STK35: variants seen among roughly 807,000 people sequenced by gnomAD.
The protein encoded by STK35 is serine/threonine-protein kinase 35.
A neutral mutation model predicts 37.3 loss-of-function variants in STK35; 17 were observed. The observed-to-expected ratio is 0.46, with a 90% confidence interval of 0.31 to 0.68. The LOEUF (loss-of-function observed/expected upper bound fraction) is 0.68, where lower values mean the gene tolerates loss of function less well. Among genes scored for constraint, STK35 ranks in the 30% least tolerant of loss-of-function variants. STK35 has a pLI of 0.05. For synonymous variants in STK35, 385 were observed against 319.1 expected (o/e 1.21, Z -2.20); for missense variants, 595 against 746.7 (o/e 0.80, Z 2.37).
intron 3 of STK35, among the ~76,000 whole-genome samples, chr20:2,141,428 G>A (rs142059652): frequency 3.9e-4 from 59 of 152,222 alleles, no homozygotes; most frequent in African/African-American, 1.3e-3. Flanking sequence ...GGGCAGTAGA[G>A]CAGGGAGTCA....
At chr20:2,106,449 A>G (rs1224317352) in intron 2 of STK35, among the ~76,000 whole-genome samples, 1 of 152,220 alleles carries the variant, frequency 6.6e-6, no homozygotes, top group Non-Finnish European at 1.5e-5. Flanking sequence ...GCAAAGCAAA[A>G]CACACCACCC....
chr20:2,142,455 A>G (rs373926492), intron 3 of STK35, among the ~76,000 whole-genome samples: 55 of 152,330 alleles, frequency 3.6e-4, no homozygotes, highest in African/African-American at 1.2e-3. Flanking sequence ...TGACAAAGAA[A>G]GGCACGCACA....
At chr20:2,133,627 G>C (rs190773063) in intron 3 of STK35, among the ~76,000 whole-genome samples, 1 of 152,206 alleles carries the variant, frequency 6.6e-6, no homozygotes, top group Non-Finnish European at 1.5e-5. Context: ...TGGGTTCTCA[G>C]ACGCAGACAA....
intron 3 of STK35, among the ~76,000 whole-genome samples, chr20:2,138,529 A>G (rs1986122617): frequency 6.6e-6 from 1 of 152,198 alleles, no homozygotes; most frequent in Non-Finnish European, 1.5e-5. Flanking sequence ...CAGAGCTTGC[A>G]TTTGAACCAG....
At chr20:2,109,143 A>G (rs1985570793) in intron 2 of STK35, among the ~76,000 whole-genome samples, 1 of 152,218 alleles carries the variant, frequency 6.6e-6, no homozygotes, top group East Asian at 1.9e-4. Flanking sequence ...AGATGGTTAC[A>G]GTACAATAGA....
rs1010351244 is a variant in STK35 at position 2,129,500 on chromosome 20, C to T, written c.*37+12085C>T. Among the ~76,000 whole-genome samples, 10 of 152,156 alleles carry T rather than the reference C, an allele frequency of 6.6e-5. No individual in the cohort carries two copies. In the South Asian group the frequency reaches 8.3e-4, roughly 13 times the overall value. On this transcript the variant is annotated intron_variant, in intron 3 of 3. Transcript: ENST00000381482. ...AATGTGTGCAGGCTCATGTGTTTCC[C>T]CCTCCCCCACCAATAAAAAGGAAAA...
Position 2,101,943 on chromosome 20 carries a change from G to A in STK35, c.62G>A (p.Arg21Lys), listed in dbSNP as rs1005967492. 33 of 1,513,674 alleles carry A rather than the reference G, an allele frequency of 2.2e-5. No homozygotes were observed. The highest frequency in any genetic ancestry group is 2.6e-5 in the Non-Finnish European group (29 of 1,131,940). 93.8% of individuals were successfully genotyped at this position (1,513,674 alleles called of 1,614,324 possible). The stretch of plus-strand genomic sequence containing the variant: ...GCGGGAGGTGCAGCTTATGTAAAGA[G>A]GTTATGTAAAGGGCTCAGCTGGCGC... ...APAGGAAYVK[R>K]LCKGLSWREH... The change falls in exon 1 of 4, where the codon AGG becomes AAG. Residue 21 changes from arginine to lysine, a missense_variant. This residue lies in a region of STK35 where 389 missense variants were observed against 320.0 expected (regional missense o/e 1.22). Transcript: ENST00000381482.
At chr20:2,120,267 T>C (rs1398302636) in intron 3 of STK35, among the ~76,000 whole-genome samples, 1 of 152,228 alleles carries the variant, frequency 6.6e-6, no homozygotes, top group Non-Finnish European at 1.5e-5. Context: ...TTGAGATTTG[T>C]GCTGTTTTGC....
chr20:2,101,908 C>A lies in STK35; in HGVS notation c.27C>A (p.Ala9=). The A allele has an allele frequency of 2.7e-6, 4 of 1,462,342 alleles. No individual in the cohort carries two copies. The highest frequency in any genetic ancestry group is 3.6e-6 in the Non-Finnish European group (4 of 1,103,236). 90.6% of individuals were successfully genotyped at this position (1,462,342 alleles called of 1,614,324 possible). The change falls in exon 1 of 4, where the codon GCC becomes GCA. Residue 9 remains alanine (A), a synonymous_variant. Coordinates refer to ENST00000381482, the MANE Select transcript of STK35 (RefSeq NM_080836.4). ...TGGGCCACCAGGAGTCTCCGCTGGC[C>A]CGGGCGCCGGCGGGAGGTGCAGCTT... MGHQESPL[A]RAPAGGAAYV... is the part of the protein sequence containing the mutation.
intron 3 of STK35, among the ~76,000 whole-genome samples, chr20:2,134,726 A>G (rs922806708): frequency 6.6e-6 from 1 of 152,066 alleles, no homozygotes; most frequent in Non-Finnish European, 1.5e-5. Context: ...CCCCATCTCT[A>G]CTAAAAATAC....
At position 2,131,471 on chromosome 20, in the gene STK35, G is replaced by GT. The variant is rs1048460959; in HGVS notation, c.*38-12302dup. Among the ~76,000 whole-genome samples, 1,016 of 140,178 alleles carry GT rather than the reference G, an allele frequency of 7.2e-3. 8 individuals carry two copies. Among genetic ancestry groups the GT allele is most frequent in the African/African-American group, 0.021 (747 of 35,350 alleles). The allele number at this position is 140,178 out of a possible 152,430, so 92.0% of individuals were successfully genotyped here. A position where few individuals can be genotyped will look rare whatever the true frequency, so the allele number is the denominator to read the frequency against. On this transcript the variant is annotated intron_variant, in intron 3 of 3. Coordinates refer to ENST00000381482, the MANE Select transcript of STK35 (RefSeq NM_080836.4). ...CTCTACAAAATTATATTAAAGTTTT[G>GT]TTTTTTTTTTTAAGATTAAAAATGG... is the stretch of plus-strand genomic sequence containing the variant.
At chr20:2,139,744 A>G (rs561266803) in intron 3 of STK35, among the ~76,000 whole-genome samples, 11 of 152,360 alleles carry the variant, frequency 7.2e-5, no homozygotes, top group African/African-American at 2.2e-4. Flanking sequence ...GTTGTTGCCT[A>G]TAACACAGTT....
At chr20:2,102,702 C>T (rs1985419608) in intron 1 of STK35, 66 bp from the exon 2 acceptor site, 2 of 1,300,550 alleles carry the variant, frequency 1.5e-6, no homozygotes, top group Middle Eastern at 2.3e-4. Flanking sequence ...GGTGGGACGC[C>T]CCGCGGCCTA....
At position 2,117,490 on chromosome 20, in the gene STK35, C is replaced by G; in HGVS notation, c.*37+75C>G. 2 of 802,794 alleles carry G rather than the reference C, an allele frequency of 2.5e-6. No individual in the cohort carries two copies. Among genetic ancestry groups the G allele is most frequent in the Non-Finnish European group, 3.8e-6 (2 of 523,744 alleles). The allele number at this position is 802,794 out of a possible 1,614,324, so 49.7% of individuals were successfully genotyped here. ...TCACTCTGTTGGTCAGGCTGGGGTG[C>G]AGCGGGTGCAGTGGCAGGATCTCAG... On this transcript the variant is annotated intron_variant, in intron 3 of 3. Coordinates refer to ENST00000381482, the MANE Select transcript of STK35 (RefSeq NM_080836.4). This position sits in a 1 kb window ranked among gnomAD's most constrained non-coding sequence, Gnocchi z 4.4.
At chr20:2,122,750 T>A (rs1031920611) in intron 3 of STK35, among the ~76,000 whole-genome samples, 1 of 152,234 alleles carries the variant, frequency 6.6e-6, no homozygotes, top group Admixed American at 6.5e-5. Context: ...ATTGTTTAGA[T>A]CCATACTTTG....
intron 2 of STK35, among the ~76,000 whole-genome samples, chr20:2,112,892 C>G (rs2122548620): frequency 6.6e-6 from 1 of 152,168 alleles, no homozygotes; most frequent in East Asian, 1.9e-4. Flanking sequence ...ATTTGTTCCT[C>G]TCAGCTCAAA....
In STK35 at chr20:2,101,854, A is replaced by C; in HGVS notation, c.-28A>C. 10 of 1,397,166 alleles carry C rather than the reference A, an allele frequency of 7.2e-6. No homozygotes were observed. The highest frequency in any genetic ancestry group is 9.3e-6 in the Non-Finnish European group (10 of 1,073,966). The allele number at this position is 1,397,166 out of a possible 1,614,324, so 86.5% of individuals were successfully genotyped here. On this transcript the variant is annotated 5_prime_UTR_variant, in exon 1 of 4. Coordinates refer to ENST00000381482, the MANE Select transcript of STK35 (RefSeq NM_080836.4). ...CGACCTTTGCAGGACCGGGCGGTGCAGGGCTCACTCGGCTGGCGTCCCGGG... is the reference window on the plus strand; with the variant it reads ...CGACCTTTGCAGGACCGGGCGGTGCCGGGCTCACTCGGCTGGCGTCCCGGG...
chr20:2,135,335 AC>A (rs1451936467), intron 3 of STK35, among the ~76,000 whole-genome samples: 11 of 152,108 alleles, frequency 7.2e-5, no homozygotes, highest in Admixed American at 5.2e-4. Context: ...TAAAGGGTGG[AC>A]CCCTGCTGAG....
chr20:2,135,366 G>T (rs942439576), intron 3 of STK35, among the ~76,000 whole-genome samples: 1 of 152,180 alleles, frequency 6.6e-6, no homozygotes, highest in South Asian at 2.1e-4. Context: ...GTGGTGCTCA[G>T]TTCCTTGTAG....
Sources: allele counts gnomAD v4.1 joint callset (sites outside exome capture counted in the v4.1 genomes callset), GRCh38; gene constraint gnomAD v4.1.1; regional missense constraint gnomAD v4.1.1; non-coding constraint Gnocchi (gnomAD v3.1); transcripts MANE v1.5; gene names NCBI Gene and HGNC (gene_info 2026-07-23, HGNC 2026-07-21).